Variants in FSIP2 observed in about 807,000 individuals in gnomAD.
FSIP2 encodes fibrous sheath-interacting protein 2.
A neutral mutation model predicts 510.5 loss-of-function variants in FSIP2; 367 were observed. The ratio of observed to expected loss-of-function variants is 0.72; its 90% CI spans 0.66 to 0.78. The LOEUF (loss-of-function observed/expected upper bound fraction) is 0.78. Among genes scored for constraint, FSIP2 ranks in the 30% least tolerant of loss-of-function variants. The pLI is 0.00. For synonymous variants in FSIP2, 2,601 were observed against 2,732.2 expected (o/e 0.95, Z 1.50); for missense variants, 7,594 against 7,901.7 (o/e 0.96, Z 1.48).
Position 185,793,871 on chromosome 2 carries a change from A to C in FSIP2, c.6735A>C (p.Ser2245=). ...ACACTCAGAAATCTGCTACTGACTC[A>C]TGTGAGGAAAATGCTAACTTCATTA... ...KEDTQKSATD[S]CEENANFITK... The change falls in exon 16 of 23, where the codon TCA becomes TCC. Residue 2245 remains serine (S), a synonymous_variant. Coordinates refer to ENST00000424728, the MANE Select transcript of FSIP2 (RefSeq NM_173651.4). 6.5e-7 allele frequency: 1 copy of C among 1,531,080 alleles called. No individual in the cohort carries two copies. Among genetic ancestry groups the C allele is most frequent in the Non-Finnish European group, 8.7e-7 (1 of 1,144,134 alleles). The allele number at this position is 1,531,080 out of a possible 1,614,324, so 94.8% of individuals were successfully genotyped here. A position where few individuals can be genotyped will look rare whatever the true frequency, so the allele number is the denominator to read the frequency against.
intron 13 of FSIP2, among the ~76,000 whole-genome samples, chr2:185,768,518 A>T (rs1692542314): frequency 6.6e-6 from 1 of 152,142 alleles, no homozygotes; most frequent in African/African-American, 2.4e-5. Flanking sequence ...TGAAAAAATT[A>T]TCTTTCCCTA....
intron 9 of FSIP2, among the ~76,000 whole-genome samples, chr2:185,760,011 CA>C (rs55704275): frequency 0.5 from 74,914 of 149,914 alleles, 19,209 homozygotes; most frequent in South Asian, 0.64. Context: ...TTGGATTTTT[CA>C]GAGAATTTGT....
chr2:185,793,825 T>A lies in FSIP2; in HGVS notation c.6689T>A (p.Ile2230Lys). Residue 2230 changes from isoleucine to lysine, a missense_variant, in exon 16 of 23, where the codon ATA (isoleucine) becomes AAA (lysine). Transcript: ENST00000424728. ...TCAGCTTATGCTGATGATAATCAGA[T>A]AACTGTAGTAGAGAAAGAAGACACT... ...QKSAYADDNQ[I>K]TVVEKEDTQK... is the part of the protein sequence containing the mutation. 1 of 1,532,808 alleles carries A rather than the reference T, an allele frequency of 6.5e-7. No homozygotes were observed. Among genetic ancestry groups the A allele is most frequent in the South Asian group, 1.2e-5 (1 of 83,544 alleles). The allele number at this position is 1,532,808 out of a possible 1,614,324, so 95.0% of individuals were successfully genotyped here.
chr2:185,796,534 A>G lies in FSIP2; in HGVS notation c.9398A>G (p.Asn3133Ser), dbSNP rs1040606925. ...GTLMDQCTYF[N>S]ESLIQNLSRE... Reference sequence around the variant, plus strand: ...CTAATGGACCAGTGTACTTATTTCAATGAGTCTTTGATACAAAACCTTTCA... The same window carrying G: ...CTAATGGACCAGTGTACTTATTTCAGTGAGTCTTTGATACAAAACCTTTCA... The change falls in exon 16 of 23, where the codon AAT (asparagine) becomes AGT (serine). Residue 3133 changes from asparagine (N) to serine (S), a missense_variant. Transcript: ENST00000424728. 2.5e-5 allele frequency: 39 copies of G among 1,535,030 alleles called. No individual in the cohort carries two copies. Among genetic ancestry groups the G allele is most frequent in the Non-Finnish European group, 3.3e-5 (38 of 1,146,248 alleles).
intron 19 of FSIP2, among the ~76,000 whole-genome samples, chr2:185,819,536 GA>G (rs1220420034): frequency 6.6e-6 from 1 of 151,684 alleles, no homozygotes; most frequent in Non-Finnish European, 1.5e-5. Flanking sequence ...AAAGAGAGGG[GA>G]AAAAATGACA....
intron 19 of FSIP2, among the ~76,000 whole-genome samples, chr2:185,819,716 A>C (rs1365096747): frequency 2.6e-5 from 4 of 151,962 alleles, no homozygotes; most frequent in Non-Finnish European, 5.9e-5. Flanking sequence ...GATATTTTTA[A>C]TACTTTGTGT....
intron 7 of FSIP2, among the ~76,000 whole-genome samples, chr2:185,751,418 T>C (rs887476631): frequency 7.3e-5 from 11 of 150,916 alleles, no homozygotes; most frequent in Non-Finnish European, 1.5e-4. Flanking sequence ...CATATTATTT[T>C]CTTGTGTTTT....
At chr2:185,755,343 C>T (rs1692224692) in intron 8 of FSIP2, among the ~76,000 whole-genome samples, 3 of 151,538 alleles carry the variant, frequency 2.0e-5, no homozygotes, top group Admixed American at 6.6e-5. Flanking sequence ...GAGGCAATGA[C>T]AGCAATATCA....
intron 17 of FSIP2, among the ~76,000 whole-genome samples, chr2:185,810,537 C>CTTTT (rs11298474): frequency 1.9e-5 from 2 of 107,036 alleles, no homozygotes; most frequent in Admixed American, 1.0e-4. Flanking sequence ...AGTTAAACCT[C>CTTTT]TTTTTTTTTT....
chr2:185,791,303 T>C lies in FSIP2; in HGVS notation c.4167T>C (p.Ser1389=). The change falls in exon 16 of 23, where the codon AGT becomes AGC. Residue 1389 remains serine, a synonymous_variant. Coordinates refer to ENST00000424728, the MANE Select transcript of FSIP2 (RefSeq NM_173651.4). ...GTAAGCCAAAGTCTGCAACTGACAGTGTTGATGTACAAAGCATTTTGCCAA... is the reference window on the plus strand; with the variant it reads ...GTAAGCCAAAGTCTGCAACTGACAGCGTTGATGTACAAAGCATTTTGCCAA... ...SSRKPKSATD[S]VDVQSILPNR... 6.5e-7 allele frequency: 1 copy of C among 1,534,210 alleles called. No homozygotes were observed. Among genetic ancestry groups the C allele is most frequent in the Non-Finnish European group, 8.7e-7 (1 of 1,145,574 alleles).
intron 22 of FSIP2, 123 bp from the exon 23 acceptor site, chr2:185,832,967 A>G (rs2105511424): frequency 2.8e-6 from 2 of 719,988 alleles, no homozygotes; most frequent in Non-Finnish European, 4.8e-6. Flanking sequence ...ATGCCATGAG[A>G]GTCAGAAAGT....
chr2:185,747,331 A>T lies in FSIP2; in HGVS notation c.778A>T (p.Met260Leu). 6.6e-7 allele frequency: 1 copy of T among 1,526,052 alleles called. No homozygotes were observed. Among genetic ancestry groups the T allele is most frequent in the Non-Finnish European group, 8.8e-7 (1 of 1,137,814 alleles). The allele number at this position is 1,526,052 out of a possible 1,614,324, so 94.5% of individuals were successfully genotyped here. ...KIEEEWKTKE[M>L]LLLTRMAEDV... The stretch of plus-strand genomic sequence containing the variant: ...TTTCTAGGAATGGAAGACAAAAGAG[A>T]TGTTACTTCTGACAAGGATGGCAGA... The change falls in exon 7 of 23, where the codon ATG becomes TTG. Residue 260 changes from methionine to leucine, a missense_variant. Physicochemically the swap from Met to Leu is conservative, Grantham distance 15. Coordinates refer to ENST00000424728, the MANE Select transcript of FSIP2 (RefSeq NM_173651.4).
chr2:185,772,853 T>G (rs1440911956), intron 13 of FSIP2, among the ~76,000 whole-genome samples: 1 of 151,670 alleles, frequency 6.6e-6, no homozygotes, highest in Admixed American at 6.6e-5. Flanking sequence ...CTTTCTTTTC[T>G]TTTGTTTTTG....
chr2:185,774,579 G>GT (rs2105581404), intron 13 of FSIP2, among the ~76,000 whole-genome samples: 1 of 103,488 alleles, frequency 9.7e-6, no homozygotes, highest in South Asian at 3.7e-4. Context: ...CCATCAAGCA[G>GT]GATTTTTTTT....
Position 185,793,543 on chromosome 2 carries a change from A to C in FSIP2, c.6407A>C (p.Glu2136Ala). ...GAAGAAAATTCTGAAATGTTCATGG[A>C]GGGTGCAAATAAGATTATTCCTAAG... ...HSEENSEMFM[E>A]GANKIIPKLS... is the part of the protein sequence containing the mutation. Residue 2136 changes from glutamate to alanine, a missense_variant, in exon 16 of 23, where the codon GAG becomes GCG. Glu to Ala is a moderately radical substitution (Grantham distance 107). Transcript: ENST00000424728. 6.5e-7 allele frequency: 1 copy of C among 1,534,246 alleles called. No homozygotes were observed. The highest frequency in any genetic ancestry group is 8.7e-7 in the Non-Finnish European group (1 of 1,145,590).
chr2:185,796,933 A>T lies in FSIP2; in HGVS notation c.9797A>T (p.Glu3266Val), dbSNP rs1256600296. The change falls in exon 16 of 23, where the codon GAA becomes GTA. Residue 3266 changes from glutamate (E) to valine (V), a missense_variant. Transcript: ENST00000424728. The stretch of plus-strand genomic sequence containing the variant: ...ATGAAAGGAAATAGCTACCTCCCTG[A>T]AGGCAGTTTCTTACAAAAGCTGCTT... ...QTMKGNSYLPEGSFLQKLLRK... is the reference protein window; with the variant it reads ...QTMKGNSYLPVGSFLQKLLRK... 3 of 1,534,950 alleles carry T rather than the reference A, an allele frequency of 2.0e-6. No homozygotes were observed. The highest frequency in any genetic ancestry group is 8.7e-7 in the Non-Finnish European group (1 of 1,146,212).
In FSIP2 at chr2:185,804,254, G is replaced by C; in HGVS notation, c.14948G>C (p.Arg4983Thr). 8 of 1,528,948 alleles carry C rather than the reference G, an allele frequency of 5.2e-6. No homozygotes were observed. Among genetic ancestry groups the C allele is most frequent in the Non-Finnish European group, 7.0e-6 (8 of 1,143,364 alleles). 94.7% of individuals were successfully genotyped at this position (1,528,948 alleles called of 1,614,324 possible). A position where few individuals can be genotyped will look rare whatever the true frequency, so the allele number is the denominator to read the frequency against. Residue 4983 changes from arginine to threonine, a missense_variant, in exon 17 of 23, where the codon AGG (arginine) becomes ACG (threonine). Coordinates refer to ENST00000424728, the MANE Select transcript of FSIP2 (RefSeq NM_173651.4). The part of the protein sequence containing the change: ...NPDRVKLKLT[R>T]IVTTLVNSIV... ...GATAGAGTGAAACTGAAACTTACCAGGATTGTTACAACATTGGTAAATTCA... is the reference window on the plus strand; with the variant it reads ...GATAGAGTGAAACTGAAACTTACCACGATTGTTACAACATTGGTAAATTCA...
chr2:185,787,396 T>C (rs1693014546), intron 15 of FSIP2, among the ~76,000 whole-genome samples: 1 of 151,688 alleles, frequency 6.6e-6, no homozygotes, highest in Non-Finnish European at 1.5e-5. Context: ...GTGCTACATA[T>C]ATGTTAACTT....
Position 185,792,231 on chromosome 2 carries a change from G to C in FSIP2, c.5095G>C (p.Glu1699Gln). ...AVSSDMFNEM[E>Q]SEGGGIETYR... ...ATCTTCCGATATGTTTAATGAAATG[G>C]AATCTGAAGGGGGAGGCATTGAAAC... is the stretch of plus-strand genomic sequence containing the variant. Residue 1699 changes from glutamate to glutamine, a missense_variant, in exon 16 of 23, where the codon GAA becomes CAA. Coordinates refer to ENST00000424728, the MANE Select transcript of FSIP2 (RefSeq NM_173651.4). 6.5e-7 allele frequency: 1 copy of C among 1,532,860 alleles called. No homozygotes were observed. Among genetic ancestry groups the C allele is most frequent in the Non-Finnish European group, 8.7e-7 (1 of 1,144,882 alleles). 95.0% of individuals were successfully genotyped at this position (1,532,860 alleles called of 1,614,324 possible).
Sources: gnomAD v4.1 joint callset for allele counts (sites outside exome capture counted in the v4.1 genomes callset) on GRCh38, gnomAD v4.1.1 for gene constraint, MANE v1.5 for transcripts, NCBI Gene and HGNC (gene_info 2026-07-23, HGNC 2026-07-21) for gene names.